SYNE1: variants seen among roughly 807,000 people sequenced by gnomAD.
The protein encoded by SYNE1 is spectrin repeat containing nuclear envelope protein 1.
Under a neutral mutation model 1,111.0 loss-of-function variants are expected in SYNE1, and 616 were observed. The observed-to-expected ratio is 0.55, with a 90% CI of 0.52 to 0.59. The LOEUF is 0.59. SYNE1 is among the 20% of genes least tolerant of loss of function. The pLI, the probability that SYNE1 is intolerant of heterozygous loss-of-function variation, is 0.00. For synonymous variants in SYNE1, 3,855 were observed against 3,825.8 expected (o/e 1.01, Z -0.28); for missense variants, 10,006 against 10,417.0 (o/e 0.96, Z 1.72).
At chr6:152,598,148 C>T (rs545666082) in intron 3 of SYNE1, among the ~76,000 whole-genome samples, 15 of 152,180 alleles carry the variant, frequency 9.9e-5, no homozygotes, top group East Asian at 1.9e-4. Context: ...TTATAGCTCC[C>T]GTGATTCCCA....
At chr6:152,130,054 CTG>C (rs1047418783) in intron 145 of SYNE1, among the ~76,000 whole-genome samples, 3 of 152,122 alleles carry the variant, frequency 2.0e-5, no homozygotes, top group African/African-American at 7.2e-5. Flanking sequence ...GGAGTGGCAG[CTG>C]TGAGTCGGCT....
At chr6:152,572,754 A>G (rs1200899963) in intron 3 of SYNE1, among the ~76,000 whole-genome samples, 1 of 152,204 alleles carries the variant, frequency 6.6e-6, no homozygotes, top group Non-Finnish European at 1.5e-5. Flanking sequence ...GAATTGGTGT[A>G]ATGCCAAAAG....
At chr6:152,155,715 G>T (rs905722189) in intron 132 of SYNE1, among the ~76,000 whole-genome samples, 195 bp downstream of exon 132, 1 of 152,110 alleles carries the variant, frequency 6.6e-6, no homozygotes, top group Non-Finnish European at 1.5e-5. Context: ...ACATAACTTG[G>T]CTTGTTATAT....
intron 91 of SYNE1, among the ~76,000 whole-genome samples, chr6:152,307,571 C>G (rs1466487409): frequency 1.3e-5 from 2 of 152,028 alleles, no homozygotes; most frequent in Non-Finnish European, 2.9e-5. Flanking sequence ...ATGGAATTGA[C>G]AGGTCAGGAA....
chr6:152,175,890 T>G (rs2066351476), intron 130 of SYNE1, among the ~76,000 whole-genome samples: 1 of 152,236 alleles, frequency 6.6e-6, no homozygotes, highest in Admixed American at 6.5e-5. Context: ...ACACTTATAG[T>G]TAGCACTAAA....
chr6:152,281,342 A>G (rs553403043), intron 97 of SYNE1, among the ~76,000 whole-genome samples: 1 of 152,356 alleles, frequency 6.6e-6, no homozygotes, highest in East Asian at 1.9e-4. Flanking sequence ...GCTCCAAAAG[A>G]CAGCCTTCCC....
intron 110 of SYNE1, among the ~76,000 whole-genome samples, chr6:152,235,851 C>T (rs888518744): frequency 6.6e-6 from 1 of 152,128 alleles, no homozygotes; most frequent in African/African-American, 2.4e-5. Context: ...AAGCAATCCT[C>T]CCACTTCAGC....
At chr6:152,134,403 T>A (rs1011852138) in intron 142 of SYNE1, 2 of 152,522 alleles carry the variant, frequency 1.3e-5, no homozygotes, top group Admixed American at 1.3e-4. Flanking sequence ...GTGTGGTGGC[T>A]CATGCCTGTA....
intron 3 of SYNE1, among the ~76,000 whole-genome samples, chr6:152,549,641 G>A (rs1278565863): frequency 6.6e-6 from 1 of 152,204 alleles, no homozygotes; most frequent in Non-Finnish European, 1.5e-5. Flanking sequence ...ATGGATTGAT[G>A]CGAAGGGACA....
chr6:152,339,929 G>A (rs931256108), intron 74 of SYNE1, among the ~76,000 whole-genome samples: 9 of 152,164 alleles, frequency 5.9e-5, no homozygotes, highest in East Asian at 1.9e-4. Flanking sequence ...TTGCAGATGC[G>A]CAGATTCTAC....
Position 152,510,343 on chromosome 6 carries a change from T to C in SYNE1, c.431A>G (p.Gln144Arg). The change falls in exon 8 of 146, where the codon CAG (glutamine) becomes CGG (arginine). Residue 144 changes from glutamine (Q) to arginine (R), a missense_variant. By Grantham distance (43) the Gln-to-Arg change is conservative (BLOSUM62 1). Transcript: ENST00000367255. The stretch of plus-strand genomic sequence containing the variant: ...TGCGCTGCTGGACAAAGACTGGAGC[T>C]GGGGCAGGTTGCTGGTCAACTCTTC... ...QIEELTSNLP[Q>R]LQSLSSSASS... 2 of 1,614,028 alleles carry C rather than the reference T, an allele frequency of 1.2e-6. No homozygotes were observed. Among genetic ancestry groups the C allele is most frequent in the South Asian group, 1.1e-5 (1 of 91,084 alleles).
chr6:152,537,475 AAAT>A (rs2099248989), intron 4 of SYNE1, among the ~76,000 whole-genome samples: 2 of 152,070 alleles, frequency 1.3e-5, no homozygotes, highest in African/African-American at 4.8e-5. Context: ...AAAAAAGAAA[AAAT>A]AATAAAAGCA....
At chr6:152,436,218 A>G (rs535239522) in intron 32 of SYNE1, 117 bp from the exon 33 acceptor site, 2 of 1,048,150 alleles carry the variant, frequency 1.9e-6, no homozygotes, top group East Asian at 4.9e-5. Flanking sequence ...AGAGTCATAC[A>G]TGTATGGATC....
At chr6:152,244,428 C>T in intron 106 of SYNE1, 109 bp downstream of exon 106, 1 of 1,556,250 alleles carries the variant, frequency 6.4e-7, no homozygotes, top group South Asian at 1.1e-5. Flanking sequence ...AGGTTAGGAC[C>T]TAAGTGGCGT....
chr6:152,199,796 G>GTAA (rs1167361433), intron 127 of SYNE1, among the ~76,000 whole-genome samples: 1 of 152,162 alleles, frequency 6.6e-6, no homozygotes, highest in African/African-American at 2.4e-5. Context: ...AATTTTCCAG[G>GTAA]TAATTGCCTT....
rs761996341 is a variant in SYNE1, at chr6:152,326,329, C to T, written c.15260G>A (p.Arg5087Gln). Reference sequence around the variant, plus strand: ...GAGATCCACTTGGGCACCAGAGTCCCGGCTCATCCTCTGGCTCCTGAGTTC... The same window carrying T: ...GAGATCCACTTGGGCACCAGAGTCCTGGCTCATCCTCTGGCTCCTGAGTTC... ...SLELRSQRMS[R>Q]DSGAQVDLLQ... The change falls in exon 79 of 146, where the codon CGG becomes CAG. Residue 5087 changes from arginine (R) to glutamine (Q), a missense_variant. This residue lies in a region of SYNE1 where 4,955 missense variants were observed against 5,017.2 expected (regional missense o/e 0.99). Coordinates refer to ENST00000367255, the MANE Select transcript of SYNE1 (RefSeq NM_182961.4). 15 of 1,613,986 alleles carry T rather than the reference C, an allele frequency of 9.3e-6. No individual in the cohort carries two copies. Among genetic ancestry groups the T allele is most frequent in the Middle Eastern group, 1.6e-4 (1 of 6,084 alleles).
rs1412377301 is a variant in SYNE1, at chr6:152,352,167, C to T, written c.11440G>A (p.Gly3814Ser). ...GAGAATTCCTTTGCTAAATGAAGAC[C>T]TTTTTCCAGCGTCATGTGTTCTTTC... ...VRKEHMTLEK[G>S]LHLAKEFSDK... The change falls in exon 70 of 146, where the codon GGT becomes AGT. Residue 3814 changes from glycine (G) to serine (S), a missense_variant. This residue lies in a region of SYNE1 where 4,955 missense variants were observed against 5,017.2 expected (regional missense o/e 0.99). Coordinates refer to ENST00000367255, the MANE Select transcript of SYNE1 (RefSeq NM_182961.4). 6.2e-7 allele frequency: 1 copy of T among 1,614,134 alleles called. No homozygotes were observed. The highest frequency in any genetic ancestry group is 1.7e-5 in the Admixed American group (1 of 60,026).
At chr6:152,309,753 T>C (rs1589765474) in intron 90 of SYNE1, 82 bp downstream of exon 90, 7 of 1,571,196 alleles carry the variant, frequency 4.5e-6, no homozygotes, top group Non-Finnish European at 6.1e-6. Context: ...TGTGTTTTGA[T>C]GGCTGAGCCC....
chr6:152,363,069 G>C (rs1224967322), intron 63 of SYNE1, among the ~76,000 whole-genome samples: 3 of 151,502 alleles, frequency 2.0e-5, no homozygotes, highest in African/African-American at 7.3e-5. Flanking sequence ...TTTTGGTAGA[G>C]ACAGGGTTTC....
Sources: gnomAD v4.1 joint callset for allele counts (sites outside exome capture counted in the v4.1 genomes callset) on GRCh38, gnomAD v4.1.1 for gene constraint, gnomAD v4.1.1 regional missense constraint, MANE v1.5 for transcripts, NCBI Gene and HGNC (gene_info 2026-07-23, HGNC 2026-07-21) for gene names.